Variants in FA2H observed in about 807,000 individuals in gnomAD.
The protein encoded by FA2H is fatty acid 2-hydroxylase.
FA2H carries 22 observed loss-of-function variants against 44.9 expected under a neutral mutation model. The observed-to-expected ratio is 0.49, with a 90% CI of 0.35 to 0.70. The LOEUF (loss-of-function observed/expected upper bound fraction) is 0.70. Ranked by LOEUF, FA2H falls within the 30% of genes least tolerant of loss-of-function variation. The probability of loss-of-function intolerance (pLI) is 0.01; values close to 1 mark genes in which losing one functional copy is unlikely to be tolerated. For missense variants in FA2H, 501 were observed against 504.9 expected (o/e 0.99, Z 0.07); for synonymous variants, 243 against 213.2 (o/e 1.14, Z -1.22).
In FA2H at chr16:74,774,750, G is replaced by A. The variant is rs113471134; in HGVS notation, c.6C>T (p.Ala2=). The change falls in exon 1 of 7, where the codon GCC becomes GCT. Residue 2 remains alanine (A), a synonymous_variant. Transcript: ENST00000219368. M[A]PAPPPAASFS... is the part of the protein sequence containing the mutation. Reference sequence around the variant, plus strand: ...AGGAGGCGGCGGGGGGCGGAGCGGGGGCCATGGCCGGAGACCGCAGCTCCC... The same window carrying A: ...AGGAGGCGGCGGGGGGCGGAGCGGGAGCCATGGCCGGAGACCGCAGCTCCC... 1 of 1,305,818 alleles carries A rather than the reference G, an allele frequency of 7.7e-7. No individual in the cohort carries two copies. The highest frequency in any genetic ancestry group is 9.7e-7 in the Non-Finnish European group (1 of 1,035,474). The allele number at this position is 1,305,818 out of a possible 1,614,324, so 80.9% of individuals were successfully genotyped here. A position where few individuals can be genotyped will look rare whatever the true frequency, so the allele number is the denominator to read the frequency against.
At chr16:74,749,981 G>A (rs941942275) in intron 1 of FA2H, among the ~76,000 whole-genome samples, 9 of 152,276 alleles carry the variant, frequency 5.9e-5, no homozygotes, top group African/African-American at 1.7e-4. Flanking sequence ...TAAACAAGAG[G>A]GGCTTTTGGA....
At chr16:74,742,365 A>C (rs1230309657) in intron 1 of FA2H, among the ~76,000 whole-genome samples, 2 of 152,150 alleles carry the variant, frequency 1.3e-5, no homozygotes, top group African/African-American at 2.4e-5. Context: ...GACACAAAAC[A>C]TGCATCTTGC....
Position 74,768,515 on chromosome 16 carries a change from C to A in FA2H, c.270+5971G>T, listed in dbSNP as rs537923756. Among the ~76,000 whole-genome samples the A allele has an allele frequency of 5.9e-5, 9 of 152,332 alleles. No homozygotes were observed. In the South Asian group the frequency reaches 1.9e-3, roughly 32 times the overall value. ...GCTCAGGCAGGCTCCCCTGGGATGC[C>A]CCCTTAGAGGCCAAGTGATCTCAAC... On this transcript the variant is annotated intron_variant, in intron 1 of 6. Coordinates refer to ENST00000219368, the MANE Select transcript of FA2H (RefSeq NM_024306.5).
At chr16:74,745,273 G>A (rs1454851929) in intron 1 of FA2H, among the ~76,000 whole-genome samples, 5 of 152,144 alleles carry the variant, frequency 3.3e-5, no homozygotes, top group Non-Finnish European at 5.9e-5. Flanking sequence ...CATAAGCACC[G>A]TGCACTAGAG....
At chr16:74,772,842 C>T (rs554597581) in intron 1 of FA2H, among the ~76,000 whole-genome samples, 1 of 152,216 alleles carries the variant, frequency 6.6e-6, no homozygotes, top group South Asian at 2.1e-4. Flanking sequence ...CATCACCACA[C>T]CTGTCATTCA....
intron 1 of FA2H, among the ~76,000 whole-genome samples, chr16:74,770,101 A>G (rs1330880183): frequency 1.3e-5 from 2 of 152,168 alleles, no homozygotes; most frequent in Admixed American, 1.3e-4. Flanking sequence ...TAGGAGGGGC[A>G]CCATTCAGAA....
chr16:74,727,325 T>C lies in FA2H; in HGVS notation c.425A>G (p.Asp142Gly), dbSNP rs953982315. The change falls in exon 3 of 7, where the codon GAT becomes GGT. Residue 142 changes from aspartate (D) to glycine (G), a missense_variant. Asp to Gly is a moderately conservative substitution (Grantham distance 94). Coordinates refer to ENST00000219368, the MANE Select transcript of FA2H (RefSeq NM_024306.5). ...GGTCACCGGCTGGTGAACCCACTCA[T>C]CGTACTTCTCTCCCAAGTGGCCCAC... is the stretch of plus-strand genomic sequence containing the variant. ...WQVGHLGEKY[D>G]EWVHQPVTRP... 2.5e-6 allele frequency: 4 copies of C among 1,614,000 alleles called. No individual in the cohort carries two copies. The highest frequency in any genetic ancestry group is 3.4e-6 in the Non-Finnish European group (4 of 1,180,034).
chr16:74,762,445 C>A (rs986072909), intron 1 of FA2H, among the ~76,000 whole-genome samples: 7 of 152,172 alleles, frequency 4.6e-5, no homozygotes, highest in Admixed American at 6.5e-5. Flanking sequence ...AACTTTAAGT[C>A]CTTTTCAGTT....
intron 1 of FA2H, among the ~76,000 whole-genome samples, chr16:74,741,804 ATATATGTGTG>A (rs1394461981): frequency 1.7e-5 from 1 of 57,844 alleles, no homozygotes; most frequent in African/African-American, 7.3e-5. Flanking sequence ...ATATATATAT[ATATATGTGTG>A]TGTGTGTGTG....
chr16:74,770,261 C>T (rs927815228), intron 1 of FA2H, among the ~76,000 whole-genome samples: 1 of 152,236 alleles, frequency 6.6e-6, no homozygotes, highest in Non-Finnish European at 1.5e-5. Context: ...CAGCTTGAGG[C>T]TTGCTAGAAG....
chr16:74,713,302 G>A lies in FA2H; in HGVS notation c.*888C>T, dbSNP rs1456375962. 1 of 152,634 alleles carries A rather than the reference G, an allele frequency of 6.6e-6. No homozygotes were observed. Among genetic ancestry groups the A allele is most frequent in the Non-Finnish European group, 1.5e-5 (1 of 68,048 alleles). The allele number at this position is 152,634 out of a possible 1,614,324, so 9.5% of individuals were successfully genotyped here. A position where few individuals can be genotyped will look rare whatever the true frequency, so the allele number is the denominator to read the frequency against. On this transcript the variant is annotated 3_prime_UTR_variant, in exon 7 of 7. Transcript: ENST00000219368. ...TGGTTTATAAATAAGACCGTCCTGG[G>A]AGCAGTGAGGGTTTTGGTTACGAGG...
At chr16:74,716,670 C>G (rs1961711114) in intron 5 of FA2H, 71 bp from the exon 6 acceptor site, 1 of 1,483,584 alleles carries the variant, frequency 6.7e-7, no homozygotes, top group Admixed American at 2.1e-5. Context: ...CCTGGCCACT[C>G]CCTGCAGAGG....
chr16:74,762,250 A>T (rs1031223772), intron 1 of FA2H, among the ~76,000 whole-genome samples: 2 of 152,184 alleles, frequency 1.3e-5, no homozygotes, highest in Non-Finnish European at 2.9e-5. Context: ...TCACCGTATT[A>T]GCCAGGGTGG....
intron 1 of FA2H, among the ~76,000 whole-genome samples, chr16:74,769,016 G>T (rs1344558367): frequency 6.6e-6 from 1 of 152,148 alleles, no homozygotes; most frequent in African/African-American, 2.4e-5. Context: ...GGGCATGGGG[G>T]AGTATGAGCC....
chr16:74,750,790 T>TGTGTGTGTGTGTG (rs1555540831), intron 1 of FA2H, among the ~76,000 whole-genome samples: 12 of 151,466 alleles, frequency 7.9e-5, no homozygotes, highest in South Asian at 4.2e-4. Context: ...TGTGTGTGTG[T>TGTGTGTGTGTGTG]TTAAGAGACA....
chr16:74,774,620 C>T lies in FA2H; in HGVS notation c.136G>A (p.Gly46Ser). 6.6e-7 allele frequency: 1 copy of T among 1,517,164 alleles called. No homozygotes were observed. The highest frequency in any genetic ancestry group is 8.8e-7 in the Non-Finnish European group (1 of 1,140,988). 94.0% of individuals were successfully genotyped at this position (1,517,164 alleles called of 1,614,324 possible). Reference protein sequence around the residue: ...LSSFVRHHPGGEQLLRARAGQ... With the variant: ...LSSFVRHHPGSEQLLRARAGQ... ...GCCCTGGCCCGCAGCAGCTGCTCGC[C>T]CCCCGGGTGGTGCCGCACGAAGCTG... The change falls in exon 1 of 7, where the codon GGC becomes AGC. Residue 46 changes from glycine (G) to serine (S), a missense_variant. Gly to Ser is a moderately conservative substitution (Grantham distance 56). Coordinates refer to ENST00000219368, the MANE Select transcript of FA2H (RefSeq NM_024306.5).
chr16:74,756,475 G>T (rs941443730), intron 1 of FA2H, among the ~76,000 whole-genome samples: 1 of 152,070 alleles, frequency 6.6e-6, no homozygotes, highest in Non-Finnish European at 1.5e-5. Flanking sequence ...GGGCAAGCCC[G>T]GCAGCCCTAG....
chr16:74,721,046 G>A (rs1961824770), intron 4 of FA2H, among the ~76,000 whole-genome samples: 2 of 152,202 alleles, frequency 1.3e-5, no homozygotes, highest in South Asian at 4.1e-4. Context: ...GTTTCAGTGT[G>A]AAAAGATGTT....
rs1962972721 is a variant in FA2H, at chr16:74,774,536, G to C, written c.220C>G (p.Arg74Gly). 6.5e-7 allele frequency: 1 copy of C among 1,545,720 alleles called. No individual in the cohort carries two copies. The highest frequency in any genetic ancestry group is 2.5e-5 in the East Asian group (1 of 40,812). ...GPPHRHSANARRWLEQYYVGE... is the reference protein window; with the variant it reads ...GPPHRHSANAGRWLEQYYVGE... ...ACGTAGTACTGCTCCAGCCAGCGGC[G>C]CGCGTTGGCCGAGTGCCTGTGCGGC... is the stretch of plus-strand genomic sequence containing the variant. The change falls in exon 1 of 7, where the codon CGC becomes GGC. Residue 74 changes from arginine to glycine, a missense_variant. Physicochemically the swap from Arg to Gly is moderately radical, Grantham distance 125. Transcript: ENST00000219368.
Sources: allele counts gnomAD v4.1 joint callset (sites outside exome capture counted in the v4.1 genomes callset), GRCh38; gene constraint gnomAD v4.1.1; transcripts MANE v1.5; gene names NCBI Gene and HGNC (gene_info 2026-07-23, HGNC 2026-07-21).